The following PCGF5 variants were observed in gnomAD, a reference collection of about 807,000 sequenced individuals.
PCGF5 encodes polycomb group ring finger 5.
In PCGF5, 9 loss-of-function variants were observed where a neutral mutation model predicts 44.3. The ratio of observed to expected loss-of-function variants is 0.20; its 90% CI spans 0.12 to 0.35. The LOEUF is 0.35. Ranked by LOEUF, PCGF5 falls within the 10% of genes least tolerant of loss-of-function variation. The probability of loss-of-function intolerance (pLI) is 1.00; values close to 1 mark genes in which losing one functional copy is unlikely to be tolerated. For missense variants in PCGF5, 146 were observed against 305.3 expected, an observed-to-expected ratio of 0.48 and a Z score of 3.89; for synonymous variants, 95 against 102.5, an observed-to-expected ratio of 0.93 and a Z score of 0.44.
At chr10:91,189,725 C>G (rs1440355477) in intron 1 of PCGF5, among the ~76,000 whole-genome samples, 1 of 152,172 alleles carries the variant, frequency 6.6e-6, no homozygotes, top group Non-Finnish European at 1.5e-5. Context: ...TTTATCTGTT[C>G]TTTTTCGCTT....
At chr10:91,214,090 C>G (rs1844499447) in intron 1 of PCGF5, among the ~76,000 whole-genome samples, 1 of 151,762 alleles carries the variant, frequency 6.6e-6, no homozygotes, top group South Asian at 2.1e-4. Flanking sequence ...TTGCTTGAGC[C>G]CAGAAGTTCA....
At chr10:91,214,361 T>C (rs371164883) in intron 1 of PCGF5, among the ~76,000 whole-genome samples, 171 of 147,820 alleles carry the variant, frequency 1.2e-3, no homozygotes, top group African/African-American at 3.8e-3. Context: ...CATGCGAAGA[T>C]AGATGCACAG....
chr10:91,166,505 T>C (rs1157777139), intron 1 of PCGF5, among the ~76,000 whole-genome samples: 3 of 152,236 alleles, frequency 2.0e-5, no homozygotes, highest in Non-Finnish European at 4.4e-5. Context: ...CTTAGAACTT[T>C]TACAATAATG....
intron 1 of PCGF5, among the ~76,000 whole-genome samples, chr10:91,210,508 T>G (rs961633059): frequency 1.3e-5 from 2 of 152,210 alleles, no homozygotes; most frequent in African/African-American, 4.8e-5. Context: ...GATAACTGGC[T>G]TAGCTTGGTA....
chr10:91,235,939 A>G (rs1484258931), intron 2 of PCGF5, among the ~76,000 whole-genome samples: 2 of 151,900 alleles, frequency 1.3e-5, no homozygotes, highest in African/African-American at 4.8e-5. Context: ...ACAGACTAAT[A>G]CAGTGGCCCA....
chr10:91,206,873 A>G lies in PCGF5; in HGVS notation c.-183-15816A>G, dbSNP rs745954452. Among the ~76,000 whole-genome samples, 9 of 152,060 alleles carry G rather than the reference A, an allele frequency of 5.9e-5. No homozygotes were observed. In the South Asian group the frequency reaches 1.9e-3, roughly 32 times the overall value. The stretch of plus-strand genomic sequence containing the variant: ...TTCAGATCTGTGCTAAATGTCACCT[A>G]ACTAAATCCTTCTCTCACCTCCCTA... On this transcript the variant is annotated intron_variant, in intron 1 of 9. Transcript: ENST00000614189.
chr10:91,223,132 T>G, intron 2 of PCGF5, 149 bp downstream of exon 2: 1 of 631,032 alleles, frequency 1.6e-6, no homozygotes, highest in Non-Finnish European at 2.7e-6. Flanking sequence ...TTCAGAATAT[T>G]TGTCATTGGG....
chr10:91,260,287 C>A (rs375016216), intron 6 of PCGF5, among the ~76,000 whole-genome samples: 2 of 152,066 alleles, frequency 1.3e-5, no homozygotes, highest in South Asian at 4.2e-4. Context: ...TTAGAATGGC[C>A]ATCATTAAAA....
chr10:91,241,842 C>G (rs1041148574), intron 3 of PCGF5, among the ~76,000 whole-genome samples: 2 of 152,114 alleles, frequency 1.3e-5, no homozygotes, highest in African/African-American at 4.8e-5. Flanking sequence ...GATAATTTGT[C>G]TACAGGTAAA....
At chr10:91,266,284 C>T (rs772265950) in intron 8 of PCGF5, among the ~76,000 whole-genome samples, 4 of 152,136 alleles carry the variant, frequency 2.6e-5, no homozygotes, top group Non-Finnish European at 2.9e-5. Context: ...ATCCACTGCA[C>T]GACCTCTACA....
At position 91,249,371 on chromosome 10, in the gene PCGF5, GTATATATATATATATATATATATA is replaced by G. The variant is rs3074316; in HGVS notation, c.325+673_325+696del. Among the ~76,000 whole-genome samples the G allele has an allele frequency of 3.7e-3, 441 of 120,532 alleles. 2 individuals are homozygous for G. The highest frequency in any genetic ancestry group is 8.0e-3 in the East Asian group (33 of 4,116). 79.1% of individuals were successfully genotyped at this position (120,532 alleles called of 152,430 possible). On this transcript the variant is annotated intron_variant, in intron 5 of 9. Transcript: ENST00000336126. ...ACTGAGCAGATAAAAGGCTTTTAGT[GTATATATATATATATATATATATA>G]TATATATATATATATATATATATAT...
chr10:91,270,017 G>C (rs983372779), intron 8 of PCGF5, among the ~76,000 whole-genome samples: 1 of 152,192 alleles, frequency 6.6e-6, no homozygotes, highest in African/African-American at 2.4e-5. Flanking sequence ...ATACTGAAGT[G>C]TTTAGCAGAG....
intron 2 of PCGF5, among the ~76,000 whole-genome samples, chr10:91,228,939 C>T (rs930290046): frequency 6.6e-6 from 1 of 152,156 alleles, no homozygotes; most frequent in Non-Finnish European, 1.5e-5. Flanking sequence ...CTCTGGTACA[C>T]TAAAGTTTAA....
intron 2 of PCGF5, among the ~76,000 whole-genome samples, chr10:91,229,623 A>T (rs1589381694): frequency 6.6e-6 from 1 of 152,190 alleles, no homozygotes; most frequent in East Asian, 1.9e-4. Flanking sequence ...TTTAAGCAAC[A>T]TGTTAATTAA....
At chr10:91,194,437 C>G (rs1327998379) in intron 1 of PCGF5, among the ~76,000 whole-genome samples, 1 of 152,120 alleles carries the variant, frequency 6.6e-6, no homozygotes, top group Non-Finnish European at 1.5e-5. Context: ...ATGTGGGTGG[C>G]TGCTAGAAGG....
chr10:91,225,278 AT>A (rs1266953410), intron 2 of PCGF5, among the ~76,000 whole-genome samples: 1 of 147,698 alleles, frequency 6.8e-6, no homozygotes, highest in Non-Finnish European at 1.5e-5. Flanking sequence ...TACGATATAT[AT>A]CATATATAAC....
upstream of PCGF5, among the ~76,000 whole-genome samples, chr10:91,219,726 T>A (rs2133268668): frequency 6.6e-6 from 1 of 152,366 alleles, no homozygotes; most frequent in African/African-American, 2.4e-5. Context: ...TGGCAATTTT[T>A]AAACATGTCA....
intron 1 of PCGF5, among the ~76,000 whole-genome samples, chr10:91,205,216 G>A: frequency 6.6e-6 from 1 of 152,056 alleles, no homozygotes; most frequent in East Asian, 1.9e-4. Flanking sequence ...CCAGCCTTGA[G>A]CGCAATTGTT....
At chr10:91,229,475 A>G (rs773466042) in intron 2 of PCGF5, among the ~76,000 whole-genome samples, 24 of 152,166 alleles carry the variant, frequency 1.6e-4, no homozygotes, top group Admixed American at 6.5e-5. Context: ...TAAGACTGAG[A>G]GAGGTTAAGT....
Sources: allele counts gnomAD v4.1 joint callset (sites outside exome capture counted in the v4.1 genomes callset), GRCh38; gene constraint gnomAD v4.1.1; transcripts MANE v1.5; gene names NCBI Gene and HGNC (gene_info 2026-07-23, HGNC 2026-07-21).